ALG13: variants seen among roughly 807,000 people sequenced by gnomAD.
The protein encoded by ALG13 is UDP-N-acetylglucosamine transferase subunit ALG13.
In ALG13, 11 loss-of-function variants were observed where a neutral mutation model predicts 87.8. That is an observed-to-expected ratio of 0.13 (90% CI 0.08 to 0.21). ALG13 has a LOEUF of 0.21. ALG13 is among the 10% of genes least tolerant of loss of function. The pLI, the probability that ALG13 is intolerant of heterozygous loss-of-function variation, is 1.00. For synonymous variants in ALG13, 320 were observed against 306.3 expected, an observed-to-expected ratio of 1.04 and a Z score of -0.47; for missense variants, 756 against 866.1, an observed-to-expected ratio of 0.87 and a Z score of 1.60.
chrX:111,714,178 C>T (rs1013821253), intron 8 of ALG13: 34 of 110,826 alleles, frequency 3.1e-4, no homozygotes, highest in Admixed American at 3.0e-3. Flanking sequence ...GAACGGGGTA[C>T]GTTAATTATC....
chrX:111,687,897 G>A lies in ALG13; in HGVS notation c.383+2794G>A. 8.6e-7 allele frequency: 1 copy of A among 1,157,216 alleles called. No homozygotes were observed. The highest frequency in any genetic ancestry group is 2.7e-5 in the Admixed American group (1 of 37,639). The stretch of plus-strand genomic sequence containing the variant: ...CTTCTTTTGTTTTAGCACGCTTCCT[G>A]GGCTGTTACAGTCAATGGACTTATC... On this transcript the variant is annotated intron_variant, in intron 3 of 26. Coordinates refer to ENST00000394780, the MANE Select transcript of ALG13 (RefSeq NM_001099922.3).
intron 24 of ALG13, among the ~76,000 whole-genome samples, chrX:111,745,885 T>G (rs1365132813): frequency 9.0e-6 from 1 of 111,339 alleles, no homozygotes; most frequent in Non-Finnish European, 1.9e-5. Context: ...CTTACCTACC[T>G]GTACCCGAGA....
At chrX:111,735,612 G>A (rs1421421312) in intron 22 of ALG13, among the ~76,000 whole-genome samples, 1 of 111,281 alleles carries the variant, frequency 9.0e-6, no homozygotes, top group African/African-American at 3.3e-5. Context: ...GGAAAAGCAC[G>A]AGAGAGGAAT....
chrX:111,729,865 CAG>C (rs1260167884), intron 19 of ALG13, among the ~76,000 whole-genome samples: 1 of 111,818 alleles, frequency 8.9e-6, no homozygotes, highest in Non-Finnish European at 1.9e-5. Flanking sequence ...CCTAAGGAAA[CAG>C]TGGATTATAC....
At chrX:111,759,646 C>T (rs1389625970) in intron 26 of ALG13, 88 bp from the exon 27 acceptor site, 4 of 770,419 alleles carry the variant, frequency 5.2e-6, no homozygotes, top group African/African-American at 2.1e-5. Flanking sequence ...TTTATTTTCA[C>T]ACATAAGAAC....
At chrX:111,757,853 A>G in intron 26 of ALG13, 91 bp downstream of exon 26, 1 of 864,523 alleles carries the variant, frequency 1.2e-6, no homozygotes, top group Non-Finnish European at 1.6e-6. Flanking sequence ...CATCAGGTCC[A>G]TGTACTACAC....
intron 24 of ALG13, among the ~76,000 whole-genome samples, chrX:111,747,636 A>G (rs772749812): frequency 9.0e-6 from 1 of 110,946 alleles, no homozygotes; most frequent in African/African-American, 3.3e-5. Context: ...ATAGGCACCC[A>G]CCACCACACC....
intron 3 of ALG13, among the ~76,000 whole-genome samples, chrX:111,698,346 A>G (rs1435879894): frequency 1.8e-5 from 2 of 111,623 alleles, no homozygotes; most frequent in African/African-American, 6.5e-5. Flanking sequence ...TAACATATTC[A>G]CCTCACTTAC....
intron 3 of ALG13, among the ~76,000 whole-genome samples, chrX:111,699,770 T>C (rs1395344036): frequency 1.8e-5 from 2 of 111,813 alleles, no homozygotes; most frequent in Admixed American, 9.5e-5. Flanking sequence ...CATGATGCTG[T>C]TTTGATTATG....
intron 22 of ALG13, 55 bp downstream of exon 22, chrX:111,735,177 A>AAAGAGGAAATTCAT: frequency 1.2e-6 from 1 of 802,749 alleles, no homozygotes; most frequent in Non-Finnish European, 1.8e-6. Flanking sequence ...AGAAAAATGA[A>AAAGAGGAAATTCAT]TTTCCTCTTT....
At chrX:111,695,683 A>C (rs1314929835) in intron 3 of ALG13, among the ~76,000 whole-genome samples, 1 of 111,820 alleles carries the variant, frequency 8.9e-6, no homozygotes, top group Non-Finnish European at 1.9e-5. Context: ...ATAATATTTT[A>C]TTTTGCAATT....
Position 111,713,250 on chromosome X carries a change from C to G in ALG13, c.958C>G (p.Pro320Ala), listed in dbSNP as rs750856311. The G allele has an allele frequency of 6.7e-6, 8 of 1,195,674 alleles. No individual in the cohort carries two copies. The African/African-American group carries it at 1.4e-4, about 21-fold the overall frequency. ...YNRDFILYRF[P>A]GKPPTYVTDN... ...TCGGGATTTCATTCTTTATCGCTTT[C>G]CTGGAAAACCTCCAACTTATGTCAC... Residue 320 changes from proline to alanine, a missense_variant, in exon 8 of 27, where the codon CCT becomes GCT. This residue lies in a region of ALG13 where 60 missense variants were observed against 54.5 expected (regional missense o/e 1.10). Transcript: ENST00000394780.
At chrX:111,693,832 A>G (rs924067347) in intron 3 of ALG13, among the ~76,000 whole-genome samples, 3 of 110,307 alleles carry the variant, frequency 2.7e-5, no homozygotes, top group Non-Finnish European at 5.7e-5. Context: ...CTCTATATAC[A>G]TGATTTTGCA....
intron 5 of ALG13, among the ~76,000 whole-genome samples, chrX:111,709,626 C>T (rs1396718310): frequency 1.8e-5 from 2 of 110,576 alleles, no homozygotes; most frequent in African/African-American, 6.6e-5. Context: ...TTACAGAAGA[C>T]ATATTTGTAC....
intron 3 of ALG13, among the ~76,000 whole-genome samples, chrX:111,705,926 A>G (rs1358430842): frequency 1.1e-4 from 12 of 111,314 alleles, no homozygotes; most frequent in Non-Finnish European, 1.1e-4. Context: ...TCCCTTCCTC[A>G]AAATGAAGCA....
intron 26 of ALG13, among the ~76,000 whole-genome samples, chrX:111,758,897 C>T (rs916637580): frequency 1.5e-4 from 17 of 111,515 alleles, no homozygotes; most frequent in Non-Finnish European, 2.3e-4. Context: ...GTCAGGAGTT[C>T]GTACCTGACT....
intron 23 of ALG13, among the ~76,000 whole-genome samples, chrX:111,738,484 C>T (rs1203749325): frequency 8.9e-6 from 1 of 111,997 alleles, no homozygotes; most frequent in African/African-American, 3.2e-5. Context: ...ATTAGGGATA[C>T]CCACTCTGTA....
chrX:111,718,371 G>T, intron 10 of ALG13, 97 bp downstream of exon 10: 1 of 725,277 alleles, frequency 1.4e-6, no homozygotes, highest in Non-Finnish European at 2.0e-6. Context: ...TATGAGTTAG[G>T]TTACATATTC....
At chrX:111,729,023 A>G (rs990722106) in intron 19 of ALG13, among the ~76,000 whole-genome samples, 1 of 111,852 alleles carries the variant, frequency 8.9e-6, no homozygotes, top group African/African-American at 3.3e-5. Context: ...GTTGCATACC[A>G]TCAACACAAT....
Sources: allele counts gnomAD v4.1 joint callset (sites outside exome capture counted in the v4.1 genomes callset), GRCh38; gene constraint gnomAD v4.1.1; regional missense constraint gnomAD v4.1.1; transcripts MANE v1.5; gene names NCBI Gene and HGNC (gene_info 2026-07-23, HGNC 2026-07-21).